Variants in ACAD10 observed in about 807,000 individuals in gnomAD.
ACAD10 encodes the protein ACAD-10.
ACAD10 carries 112 observed loss-of-function variants against 116.8 expected under a neutral mutation model. That is an observed-to-expected ratio of 0.96 (90% confidence interval 0.82 to 1.12). ACAD10 has a LOEUF of 1.12. ACAD10 is among the 50% of genes most tolerant of loss of function. The pLI is 0.00. For synonymous variants in ACAD10, 486 were observed against 510.6 expected (o/e 0.95, Z 0.65); for missense variants, 1,259 against 1,350.2 (o/e 0.93, Z 1.06).
intron 8 of ACAD10, 119 bp from the exon 9 acceptor site, chr12:111,727,843 G>T (rs766090466): frequency 6.8e-6 from 7 of 1,027,084 alleles, no homozygotes; most frequent in Non-Finnish European, 1.0e-5. Flanking sequence ...CTCTGGGTCT[G>T]AACTCTTCAC....
chr12:111,687,104 T>C (rs1336955167), intron 1 of ACAD10, among the ~76,000 whole-genome samples: 1 of 152,030 alleles, frequency 6.6e-6, no homozygotes, highest in Non-Finnish European at 1.5e-5. Context: ...ATGGGACACA[T>C]ACATGACAGG....
At chr12:111,714,923 T>C (rs1373718378) in intron 6 of ACAD10, among the ~76,000 whole-genome samples, 1 of 151,724 alleles carries the variant, frequency 6.6e-6, no homozygotes, top group Non-Finnish European at 1.5e-5. Context: ...ACCACGTTGG[T>C]CAGGCTGGTC....
chr12:111,737,613 CT>C (rs902965973), intron 12 of ACAD10, among the ~76,000 whole-genome samples: 1 of 152,146 alleles, frequency 6.6e-6, no homozygotes, highest in African/African-American at 2.4e-5. Flanking sequence ...GTATCTCACC[CT>C]TTTCAACACC....
chr12:111,755,927 C>T lies in ACAD10; in HGVS notation c.3039+182C>T, dbSNP rs1037932648. On this transcript the variant is annotated intron_variant, in intron 20 of 20. Transcript: ENST00000313698. ...CAGCAAGGTGGGAGGTGCCATCGTA[C>T]CCCCATTTTGAATGTGAGGAAACAG... 2.1e-5 allele frequency: 15 copies of T among 727,434 alleles called. No homozygotes were observed. The African/African-American group carries it at 2.4e-4, about 12-fold the overall frequency. The allele number at this position is 727,434 out of a possible 1,614,324, so 45.1% of individuals were successfully genotyped here.
chr12:111,755,312 G>A (rs930344961), intron 19 of ACAD10, among the ~76,000 whole-genome samples: 4 of 152,008 alleles, frequency 2.6e-5, no homozygotes, highest in Non-Finnish European at 4.4e-5. Flanking sequence ...CTATATGTTG[G>A]CCAGGTTGGT....
intron 12 of ACAD10, among the ~76,000 whole-genome samples, chr12:111,739,094 G>A (rs112083327): frequency 7.2e-5 from 11 of 152,234 alleles, no homozygotes; most frequent in African/African-American, 2.6e-4. Flanking sequence ...TCTCTCTAGA[G>A]AAGTATCCTG....
chr12:111,688,744 G>T (rs541206051), intron 1 of ACAD10, among the ~76,000 whole-genome samples: 1 of 151,632 alleles, frequency 6.6e-6, no homozygotes, highest in South Asian at 2.1e-4. Context: ...GGCGGTTGCA[G>T]TGAGCCGAGA....
chr12:111,738,083 C>G (rs952158608), intron 12 of ACAD10, among the ~76,000 whole-genome samples: 1 of 152,072 alleles, frequency 6.6e-6, no homozygotes, highest in Non-Finnish European at 1.5e-5. Context: ...TTTCGAACTC[C>G]TGACCTCAGA....
intron 8 of ACAD10, 40 bp downstream of exon 8, chr12:111,721,779 C>A (rs746500038): frequency 6.5e-7 from 1 of 1,540,326 alleles, no homozygotes; most frequent in Admixed American, 1.8e-5. Flanking sequence ...TTTCAAGCTA[C>A]AGGAGAGAAA....
At chr12:111,719,140 A>G (rs1378752088) in intron 7 of ACAD10, among the ~76,000 whole-genome samples, 1 of 152,210 alleles carries the variant, frequency 6.6e-6, no homozygotes, top group Non-Finnish European at 1.5e-5. Flanking sequence ...AGAAAAGAAA[A>G]AAAGAAGTGC....
At chr12:111,728,238 C>T in intron 9 of ACAD10, 95 bp downstream of exon 9, 3 of 1,271,226 alleles carry the variant, frequency 2.4e-6, no homozygotes, top group Admixed American at 4.8e-5. Flanking sequence ...TGAGTATTAG[C>T]ACACCAAGCG....
At chr12:111,713,010 C>T (rs1339325554) in intron 6 of ACAD10, among the ~76,000 whole-genome samples, 2 of 152,050 alleles carry the variant, frequency 1.3e-5, no homozygotes, top group Non-Finnish European at 2.9e-5. Context: ...TTTGTGAAGA[C>T]GACTTAGAAG....
At chr12:111,696,311 T>G (rs1888189459) in intron 2 of ACAD10, among the ~76,000 whole-genome samples, 1 of 152,286 alleles carries the variant, frequency 6.6e-6, no homozygotes, top group South Asian at 2.1e-4. Flanking sequence ...CCTTGGCCTC[T>G]TGAGTCATTG....
At chr12:111,707,296 C>G (rs610303) in intron 4 of ACAD10, among the ~76,000 whole-genome samples, 1 of 150,224 alleles carries the variant, frequency 6.7e-6, no homozygotes, top group Non-Finnish European at 1.5e-5. Context: ...GGGTTTCACC[C>G]TGTTGGCCAG....
At chr12:111,709,858 T>C (rs1566147498) in intron 5 of ACAD10, 174 bp downstream of exon 5, 3 of 742,164 alleles carry the variant, frequency 4.0e-6, no homozygotes, top group Non-Finnish European at 4.2e-6. Flanking sequence ...GCTTGTATTT[T>C]CAATGGGAAG....
chr12:111,711,885 T>G (rs1026090005), intron 5 of ACAD10, among the ~76,000 whole-genome samples: 16 of 152,222 alleles, frequency 1.1e-4, no homozygotes, highest in African/African-American at 3.9e-4. Flanking sequence ...TTCCTGCAAT[T>G]TAGTCTAAAT....
At position 111,697,245 on chromosome 12, in the gene ACAD10, GAA is replaced by G. The variant is rs577800040; in HGVS notation, c.187+4358_187+4359del. On this transcript the variant is annotated intron_variant, in intron 2 of 20. Transcript: ENST00000313698. ...GACAGATCAAGACTCCGTCTTGGGA[GAA>G]AAAAAAAATTGAATTCAGAGGGTAT... is the stretch of plus-strand genomic sequence containing the variant. Among the ~76,000 whole-genome samples the G allele has an allele frequency of 6.4e-4, 93 of 146,070 alleles. 2 individuals are homozygous for G. In the East Asian group the frequency reaches 0.017, roughly 27 times the overall value.
chr12:111,732,910 G>C (rs1889431982), intron 10 of ACAD10, among the ~76,000 whole-genome samples: 1 of 152,206 alleles, frequency 6.6e-6, no homozygotes, highest in South Asian at 2.1e-4. Flanking sequence ...TTTGCAGTCT[G>C]GGGACAGGAC....
chr12:111,723,090 G>T (rs1032763173), intron 8 of ACAD10, among the ~76,000 whole-genome samples: 2 of 146,732 alleles, frequency 1.4e-5, no homozygotes, highest in African/African-American at 5.1e-5. Flanking sequence ...AGTAGGGGCG[G>T]CCGGGCAGAG....
Sources: gnomAD v4.1 joint callset for allele counts (sites outside exome capture counted in the v4.1 genomes callset) on GRCh38, gnomAD v4.1.1 for gene constraint, MANE v1.5 for transcripts, NCBI Gene and HGNC (gene_info 2026-07-23, HGNC 2026-07-21) for gene names.